Variants in RPN1 observed in about 807,000 individuals in gnomAD.
The protein encoded by RPN1 is dolichyl-diphosphooligosaccharide--protein glycosyltransferase subunit 1.
In RPN1, 12 loss-of-function variants were observed where a neutral mutation model predicts 55.5. That is an observed-to-expected ratio of 0.22 (90% CI 0.14 to 0.35). RPN1 has a LOEUF of 0.35. RPN1 is among the 10% of genes least tolerant of loss of function. The pLI, the probability that RPN1 is intolerant of heterozygous loss-of-function variation, is 1.00. For missense variants in RPN1, 679 were observed against 761.3 expected (o/e 0.89, Z 1.27); for synonymous variants, 317 against 305.9 (o/e 1.04, Z -0.38).
intron 1 of RPN1, among the ~76,000 whole-genome samples, chr3:128,645,300 C>A (rs1217731985): frequency 6.6e-6 from 1 of 152,006 alleles, no homozygotes; most frequent in Non-Finnish European, 1.5e-5. Context: ...GGAGAAACCC[C>A]ATCTCTACTA....
intron 3 of RPN1, among the ~76,000 whole-genome samples, chr3:128,632,587 G>T (rs948982803): frequency 3.6e-4 from 54 of 151,980 alleles, no homozygotes; most frequent in Admixed American, 3.5e-3. Context: ...GCTAAGTTCT[G>T]ACTTCACTTT....
At chr3:128,630,500 G>T (rs2069633239) in intron 4 of RPN1, among the ~76,000 whole-genome samples, 1 of 152,136 alleles carries the variant, frequency 6.6e-6, no homozygotes, top group African/African-American at 2.4e-5. Context: ...TTACTAGGTG[G>T]TAGGGTTACA....
intron 2 of RPN1, chr3:128,644,713 C>CT (rs2069753756): frequency 3.1e-6 from 2 of 653,562 alleles, no homozygotes; most frequent in Non-Finnish European, 5.6e-6. Context: ...AATCCCAGCA[C>CT]TTTGAGAGGC....
Position 128,620,367 on chromosome 3 carries a change from C to A in RPN1, c.*44G>T. On this transcript the variant is annotated 3_prime_UTR_variant, in exon 10 of 10. Coordinates refer to ENST00000296255, the MANE Select transcript of RPN1 (RefSeq NM_002950.4). The stretch of plus-strand genomic sequence containing the variant: ...CTACCACCCAATCTGCCTGCCACAG[C>A]AAAGTGCAGGCACCCTGGGCCCCCT... 1 of 1,556,708 alleles carries A rather than the reference C, an allele frequency of 6.4e-7. No homozygotes were observed. The highest frequency in any genetic ancestry group is 1.2e-5 in the South Asian group (1 of 84,406).
intron 3 of RPN1, among the ~76,000 whole-genome samples, chr3:128,634,188 A>G (rs980730990): frequency 2.0e-5 from 3 of 151,834 alleles, no homozygotes; most frequent in South Asian, 2.1e-4. Flanking sequence ...TTAGCCAGGC[A>G]TGGTCGCACA....
intron 1 of RPN1, among the ~76,000 whole-genome samples, chr3:128,645,542 G>GC (rs2069760424): frequency 6.6e-6 from 1 of 152,040 alleles, no homozygotes; most frequent in Non-Finnish European, 1.5e-5. Flanking sequence ...CACACAGCTG[G>GC]GTGTGGTAGC....
Position 128,638,031 on chromosome 3 carries a change from A to C in RPN1, c.401T>G (p.Val134Gly). ...ATACGGATGAAGCACATGGGTGTAGACTGTTTCCACAATGACTGAAATCTT... is the reference window on the plus strand; with the variant it reads ...ATACGGATGAAGCACATGGGTGTAGCCTGTTTCCACAATGACTGAAATCTT... ...GAKISVIVET[V>G]YTHVLHPYPT... Residue 134 changes from valine to glycine, a missense_variant, in exon 3 of 10, where the codon GTC (valine) becomes GGC (glycine). By Grantham distance (109) the Val-to-Gly change is moderately radical. Around this residue, in one of 3 missense-constraint regions of RPN1, gnomAD observed 352 missense variants for 352.8 expected, o/e 1.00. Transcript: ENST00000296255. 1 of 1,614,098 alleles carries C rather than the reference A, an allele frequency of 6.2e-7. No individual in the cohort carries two copies. The highest frequency in any genetic ancestry group is 8.5e-7 in the Non-Finnish European group (1 of 1,179,980).
chr3:128,644,650 T>C (rs1301465190), intron 2 of RPN1: 1 of 578,760 alleles, frequency 1.7e-6, no homozygotes, highest in East Asian at 3.8e-5. Flanking sequence ...ACAGACCCTG[T>C]CTCAAGAAAA....
At chr3:128,631,607 T>C (rs538410381) in intron 4 of RPN1, among the ~76,000 whole-genome samples, 1 of 152,144 alleles carries the variant, frequency 6.6e-6, no homozygotes, top group South Asian at 2.1e-4. Flanking sequence ...CCAGGTGTAG[T>C]GGTGCATGCG....
intron 8 of RPN1, among the ~76,000 whole-genome samples, chr3:128,624,662 A>T (rs2069586294): frequency 6.6e-6 from 1 of 151,978 alleles, no homozygotes; most frequent in African/African-American, 2.4e-5. Context: ...TCCTCAGGGT[A>T]GCCTTGGGGC....
At chr3:128,650,471 T>C in intron 1 of RPN1, 69 bp downstream of exon 1, 3 of 1,439,146 alleles carry the variant, frequency 2.1e-6, no homozygotes, top group Non-Finnish European at 2.8e-6. Flanking sequence ...GCGGGCGGAG[T>C]CGGGGGACCG....
chr3:128,642,332 C>T (rs2069732204), intron 2 of RPN1: 1 of 152,112 alleles, frequency 6.6e-6, no homozygotes, highest in Non-Finnish European at 1.5e-5. Context: ...TGTTGCTGTA[C>T]ATGAACTCAA....
Position 128,650,583 on chromosome 3 carries a change from A to G in RPN1, c.218T>C (p.Leu73Ser), listed in dbSNP as rs1344891575. ...CAGCCGGGCCTCGAGCTCAGGCTCC[A>G]AAGCCAGCAGGAAAGAGGTAGCTCG... ...TSRATSFLLA[L>S]EPELEARLAH... is the part of the protein sequence containing the mutation. The change falls in exon 1 of 10, where the codon TTG becomes TCG. Residue 73 changes from leucine (L) to serine (S), a missense_variant. By Grantham distance (145) the Leu-to-Ser change is moderately radical. Transcript: ENST00000296255. 1.3e-6 allele frequency: 2 copies of G among 1,548,028 alleles called. No homozygotes were observed. Among genetic ancestry groups the G allele is most frequent in the Admixed American group, 3.9e-5 (2 of 50,956 alleles).
At chr3:128,631,492 AAAAG>A (rs1323861188) in intron 4 of RPN1, among the ~76,000 whole-genome samples, 16 of 152,000 alleles carry the variant, frequency 1.1e-4, no homozygotes, top group African/African-American at 2.9e-4. Flanking sequence ...AAAAAAAAAA[AAAAG>A]AAAGAGAAGC....
At chr3:128,646,706 G>A (rs940020737) in intron 1 of RPN1, among the ~76,000 whole-genome samples, 3 of 146,682 alleles carry the variant, frequency 2.0e-5, no homozygotes, top group East Asian at 2.1e-4. Context: ...AAAGTTGGCC[G>A]GGTGCGGTGG....
intron 1 of RPN1, among the ~76,000 whole-genome samples, chr3:128,646,788 C>T (rs1249011594): frequency 6.6e-6 from 1 of 151,586 alleles, no homozygotes; most frequent in Non-Finnish European, 1.5e-5. Context: ...AGCTGGCCAA[C>T]ATGGTGAAAC....
At chr3:128,645,048 A>G in intron 1 of RPN1, 65 bp from the exon 2 acceptor site, 2 of 914,950 alleles carry the variant, frequency 2.2e-6, no homozygotes, top group Non-Finnish European at 3.7e-6. Flanking sequence ...GTCAATAATT[A>G]ACCAAGTGCT....
At chr3:128,622,128 C>T (rs2069564224) in intron 9 of RPN1, 36 bp downstream of exon 9, 2 of 1,608,444 alleles carry the variant, frequency 1.2e-6, no homozygotes, top group Non-Finnish European at 1.7e-6. Context: ...CATGGAGGGC[C>T]CCAAGCCAAG....
rs1233491617 is a variant in RPN1, at chr3:128,632,114, G to T, written c.677C>A (p.Thr226Asn). The T allele has an allele frequency of 6.2e-7, 1 of 1,614,176 alleles. No individual in the cohort carries two copies. The highest frequency in any genetic ancestry group is 1.1e-5 in the South Asian group (1 of 91,084). Residue 226 changes from threonine (T) to asparagine (N), a missense_variant, in exon 4 of 10, where the codon ACC (threonine) becomes AAC (asparagine). By Grantham distance (65) the Thr-to-Asn change is moderately conservative. Around this residue, in one of 3 missense-constraint regions of RPN1, gnomAD observed 352 missense variants for 352.8 expected, o/e 1.00. Coordinates refer to ENST00000296255, the MANE Select transcript of RPN1 (RefSeq NM_002950.4). Reference sequence around the variant, plus strand: ...AATGACTCGGGTCATGCTGGTGATGGTCAGGAAAGGGCTGTTGTTCTCATA... The same window carrying T: ...AATGACTCGGGTCATGCTGGTGATGTTCAGGAAAGGGCTGTTGTTCTCATA... ...VHYENNSPFL[T>N]ITSMTRVIEV...
Sources: gnomAD v4.1 joint callset for allele counts (sites outside exome capture counted in the v4.1 genomes callset) on GRCh38, gnomAD v4.1.1 for gene constraint, gnomAD v4.1.1 regional missense constraint, MANE v1.5 for transcripts, NCBI Gene and HGNC (gene_info 2026-07-23, HGNC 2026-07-21) for gene names.